GNG7: variants seen among roughly 807,000 people sequenced by gnomAD.
GNG7 encodes the protein guanine nucleotide-binding protein G(I)/G(S)/G(O) subunit gamma-7.
Under a neutral mutation model 4.0 loss-of-function variants are expected in GNG7, and 1 was observed. That is an observed-to-expected ratio of 0.25 (90% CI 0.09 to 1.18). The LOEUF (loss-of-function observed/expected upper bound fraction) is 1.18. Ranked by LOEUF, GNG7 falls within the 50% of genes most tolerant of loss-of-function variation. GNG7 has a pLI of 0.50. For missense variants in GNG7, 86 were observed against 91.9 expected (o/e 0.94, Z 0.26); for synonymous variants, 34 against 36.9 (o/e 0.92, Z 0.29).
chr19:2,538,644 T>C lies in GNG7; in HGVS notation c.-38+16505A>G, dbSNP rs547057402. The C allele has an allele frequency of 1.8e-5, 8 of 442,178 alleles. No individual in the cohort carries two copies. The East Asian group carries it at 2.2e-4, about 12-fold the overall frequency. The allele number at this position is 442,178 out of a possible 1,614,324, so 27.4% of individuals were successfully genotyped here. On this transcript the variant is annotated intron_variant, in intron 3 of 4. Coordinates refer to ENST00000382159, the MANE Select transcript of GNG7 (RefSeq NM_052847.3). ...AGACCCTGTCTTTAAAAAAACACAA[T>C]AGAAAGGCATGCATATATTTTACTT...
At chr19:2,643,705 A>C in intron 2 of GNG7, 1 of 451,340 alleles carries the variant, frequency 2.2e-6, no homozygotes. Flanking sequence ...TCACAGCTTC[A>C]CTGGGGTGCA....
intron 1 of GNG7, among the ~76,000 whole-genome samples, chr19:2,686,753 C>CTT (rs1224590104): frequency 2.1e-5 from 3 of 140,424 alleles, no homozygotes; most frequent in East Asian, 2.1e-4. Flanking sequence ...TTTTTTCTTT[C>CTT]TTTTTTTTTT....
At chr19:2,627,010 C>T (rs57807819) in intron 2 of GNG7, among the ~76,000 whole-genome samples, 5,658 of 152,242 alleles carry the variant, frequency 0.037, 120 homozygotes, top group Middle Eastern at 0.085. Context: ...ATGGAGCAGA[C>T]GGCATAAACC....
At chr19:2,605,584 G>A (rs1325469111) in intron 2 of GNG7, among the ~76,000 whole-genome samples, 2 of 141,178 alleles carry the variant, frequency 1.4e-5, no homozygotes, top group Non-Finnish European at 3.0e-5. Flanking sequence ...CTTGATCTTG[G>A]CTTACTGCAA....
chr19:2,550,386 G>C (rs565046242), intron 3 of GNG7, among the ~76,000 whole-genome samples: 7 of 152,146 alleles, frequency 4.6e-5, no homozygotes, highest in Non-Finnish European at 1.0e-4. Context: ...CACCAAGCCC[G>C]GCTAATTTTT....
Position 2,633,487 on chromosome 19 carries a change from G to GCGCGCACACA in GNG7, c.-78+12736_-78+12737insTGTGTGCGCG, listed in dbSNP as rs1250581952. 8.8e-4 allele frequency among the ~76,000 whole-genome samples: 91 copies of GCGCGCACACA among 103,790 alleles called. No homozygotes were observed. The highest frequency in any genetic ancestry group is 2.9e-3 in the African/African-American group (74 of 25,516). The allele number at this position is 103,790 out of a possible 152,430, so 68.1% of individuals were successfully genotyped here. The stretch of plus-strand genomic sequence containing the variant: ...TAGCAACAGGCGCGCGCGCGCGCGC[G>GCGCGCACACA]CACACACACACACACACACACACAC... On this transcript the variant is annotated intron_variant, in intron 2 of 4. Transcript: ENST00000382159. The surrounding 1 kb of genome is among the most constrained non-coding windows in gnomAD (Gnocchi z 5.9).
chr19:2,586,341 A>G (rs1980672228), intron 2 of GNG7, among the ~76,000 whole-genome samples: 1 of 152,174 alleles, frequency 6.6e-6, no homozygotes. Context: ...CCCACCTTCT[A>G]GAGTGACTTT....
intron 2 of GNG7, among the ~76,000 whole-genome samples, chr19:2,579,977 GTC>G (rs1359734349): frequency 6.6e-6 from 1 of 152,086 alleles, no homozygotes; most frequent in East Asian, 1.9e-4. Flanking sequence ...GGGCGCAGGT[GTC>G]TCTCAGCTTG....
intron 2 of GNG7, among the ~76,000 whole-genome samples, chr19:2,571,509 G>A (rs1186124615): frequency 6.6e-6 from 1 of 151,922 alleles, no homozygotes; most frequent in African/African-American, 2.4e-5. Flanking sequence ...GCGTGCAGGG[G>A]TGGCTTGGAG....
intron 1 of GNG7, among the ~76,000 whole-genome samples, chr19:2,662,077 C>G (rs147602955): frequency 1.3e-5 from 2 of 152,008 alleles, no homozygotes; most frequent in African/African-American, 4.8e-5. Flanking sequence ...GTGACCAACA[C>G]GGTGAAACCC....
chr19:2,697,884 A>T (rs1164465948), intron 1 of GNG7, among the ~76,000 whole-genome samples: 2 of 152,050 alleles, frequency 1.3e-5, no homozygotes, highest in East Asian at 3.9e-4. Flanking sequence ...GGGCAGGAGA[A>T]TCGCTTGAAC....
In GNG7 at chr19:2,626,203, CA is replaced by C. The variant is rs1982016928; in HGVS notation, c.-78+20020del. Among the ~76,000 whole-genome samples, 1 of 152,164 alleles carries C rather than the reference CA, an allele frequency of 6.6e-6. No homozygotes were observed. Among genetic ancestry groups the C allele is most frequent in the African/African-American group, 2.4e-5 (1 of 41,436 alleles). On this transcript the variant is annotated intron_variant, in intron 2 of 4. Transcript: ENST00000382159. This position sits in a 1 kb window ranked among gnomAD's most constrained non-coding sequence, Gnocchi z 5.0. ...GGGTGCCCACCTGACCCCGTGTCTC[CA>C]GCGGGAACGTGAAGCTGATGCTGCT...
chr19:2,584,567 A>G (rs1980589791), intron 2 of GNG7, among the ~76,000 whole-genome samples: 2 of 146,854 alleles, frequency 1.4e-5, no homozygotes, highest in Non-Finnish European at 3.0e-5. Context: ...ACTGCACTCC[A>G]GCCTGGGCGA....
intron 3 of GNG7, among the ~76,000 whole-genome samples, chr19:2,523,622 TCA>T (rs1467687811): frequency 6.6e-6 from 1 of 152,066 alleles, no homozygotes; most frequent in Non-Finnish European, 1.5e-5. Flanking sequence ...ACAGAGAGCC[TCA>T]CACACTCACA....
At chr19:2,536,792 G>T (rs1471759497) in intron 3 of GNG7, among the ~76,000 whole-genome samples, 1 of 152,076 alleles carries the variant, frequency 6.6e-6, no homozygotes, top group East Asian at 1.9e-4. Context: ...ACACCCTAGG[G>T]GTTCTGTGCA....
rs8111983 is a variant in GNG7 at position 2,630,313 on chromosome 19, G to T, written c.-78+15911C>A. ...CCCCCTCCCCTTGAGTGTGGGCAGG[G>T]CCCGTGGACATGATGAGATATCACT... is the stretch of plus-strand genomic sequence containing the variant. On this transcript the variant is annotated intron_variant, in intron 2 of 4. Coordinates refer to ENST00000382159, the MANE Select transcript of GNG7 (RefSeq NM_052847.3). Among the ~76,000 whole-genome samples, 739 of 152,214 alleles carry T rather than the reference G, an allele frequency of 4.9e-3. 5 individuals carry two copies. Among genetic ancestry groups the T allele is most frequent in the African/African-American group, 0.017 (687 of 41,528 alleles).
intron 3 of GNG7, among the ~76,000 whole-genome samples, chr19:2,527,977 A>G (rs1217035542): frequency 1.3e-5 from 2 of 152,154 alleles, no homozygotes; most frequent in Non-Finnish European, 2.9e-5. Context: ...ATGGTACTGA[A>G]TGAAAATATG....
intron 2 of GNG7, among the ~76,000 whole-genome samples, chr19:2,568,558 CACAT>C (rs887647018): frequency 6.6e-6 from 1 of 151,556 alleles, no homozygotes; most frequent in African/African-American, 2.4e-5. Flanking sequence ...TATATATACA[CACAT>C]ATACACACAT....
intron 2 of GNG7, among the ~76,000 whole-genome samples, chr19:2,644,962 C>A (rs1226608124): frequency 1.3e-5 from 2 of 152,148 alleles, no homozygotes; most frequent in Non-Finnish European, 2.9e-5. Context: ...CCTCTCATGA[C>A]CATTGACTAC....
Sources: gnomAD v4.1 joint callset for allele counts (sites outside exome capture counted in the v4.1 genomes callset) on GRCh38, gnomAD v4.1.1 for gene constraint, Gnocchi (gnomAD v3.1) non-coding constraint, MANE v1.5 for transcripts, NCBI Gene and HGNC (gene_info 2026-07-23, HGNC 2026-07-21) for gene names.